Variants in ADGRD1 observed in about 807,000 individuals in gnomAD.
ADGRD1 encodes the protein G-protein coupled receptor 133.
In ADGRD1, 77 loss-of-function variants were observed where a neutral mutation model predicts 113.4. The observed-to-expected ratio is 0.68, with a 90% CI of 0.57 to 0.82. ADGRD1 has a LOEUF of 0.82. ADGRD1 is among the 40% of genes least tolerant of loss of function. The pLI, the probability that ADGRD1 is intolerant of heterozygous loss-of-function variation, is 0.00. For missense variants in ADGRD1, 1,036 were observed against 1,139.1 expected (o/e 0.91, Z 1.30); for synonymous variants, 474 against 475.0 (o/e 1.00, Z 0.03).
chr12:131,056,553 C>T (rs781364627), intron 13 of ADGRD1, among the ~76,000 whole-genome samples: 3 of 152,210 alleles, frequency 2.0e-5, no homozygotes, highest in Non-Finnish European at 2.9e-5. Context: ...TGCTATATCA[C>T]AGCACCGATA....
At chr12:131,051,333 G>T (rs1215071984) in intron 13 of ADGRD1, among the ~76,000 whole-genome samples, 1 of 152,168 alleles carries the variant, frequency 6.6e-6, no homozygotes, top group African/African-American at 2.4e-5. Context: ...TGTTTGATTT[G>T]AAACAGAACT....
chr12:131,109,140 C>A (rs1252108404), intron 18 of ADGRD1, among the ~76,000 whole-genome samples: 1 of 152,158 alleles, frequency 6.6e-6, no homozygotes, highest in Non-Finnish European at 1.5e-5. Context: ...AAAAAGTCCC[C>A]ATCACTTGGA....
intron 8 of ADGRD1, among the ~76,000 whole-genome samples, chr12:130,994,528 A>G (rs1874960233): frequency 6.6e-6 from 1 of 152,214 alleles, no homozygotes; most frequent in Non-Finnish European, 1.5e-5. Context: ...CTGACTAGCC[A>G]TGGGTACCCT....
At chr12:131,015,283 C>T (rs188098242) in intron 13 of ADGRD1, among the ~76,000 whole-genome samples, 36 of 152,190 alleles carry the variant, frequency 2.4e-4, no homozygotes, top group African/African-American at 6.7e-4. Context: ...GTACTGGAGA[C>T]GGAGATGGGA....
chr12:131,121,098 C>T (rs1333977034), intron 20 of ADGRD1, among the ~76,000 whole-genome samples, 185 bp downstream of exon 20: 1 of 152,220 alleles, frequency 6.6e-6, no homozygotes, highest in Admixed American at 6.5e-5. Context: ...CCGGAATGCT[C>T]AGGAAGGCGG....
intron 22 of ADGRD1, 117 bp from the exon 23 acceptor site, chr12:131,136,856 C>G (rs572532852): frequency 1.0e-4 from 88 of 846,208 alleles, no homozygotes; most frequent in Non-Finnish European, 1.0e-4. Flanking sequence ...GGTCATGGGA[C>G]CTGGTGTCAC....
chr12:131,064,346 T>C (rs530817805), intron 13 of ADGRD1, among the ~76,000 whole-genome samples: 1 of 152,224 alleles, frequency 6.6e-6, no homozygotes, highest in Non-Finnish European at 1.5e-5. Flanking sequence ...TCTTAGTTTT[T>C]TGAGAGTCCT....
chr12:131,123,047 T>TG (rs1950639100), intron 20 of ADGRD1, among the ~76,000 whole-genome samples: 15 of 120,982 alleles, frequency 1.2e-4, no homozygotes, highest in Middle Eastern at 3.9e-3. Context: ...GAGTTTTTTT[T>TG]TTTTTTTTTT....
chr12:131,003,846 G>T lies in ADGRD1; in HGVS notation c.1145-340G>T, dbSNP rs1464765536. Among the ~76,000 whole-genome samples the T allele has an allele frequency of 6.6e-6, 1 of 152,172 alleles. No individual in the cohort carries two copies. Among genetic ancestry groups the T allele is most frequent in the Admixed American group, 6.5e-5 (1 of 15,294 alleles). On this transcript the variant is annotated intron_variant, in intron 10 of 24. Transcript: ENST00000261654. This position sits in a 1 kb window ranked among gnomAD's most constrained non-coding sequence, Gnocchi z 4.8. The stretch of plus-strand genomic sequence containing the variant: ...TGGCCGTGTTGCCCTCGCCTGCTGC[G>T]CTTGGGGAGGAGCCGATGTCACCGC...
chr12:130,982,104 A>G, intron 5 of ADGRD1, 41 bp downstream of exon 5: 1 of 1,533,488 alleles, frequency 6.5e-7, no homozygotes, highest in Non-Finnish European at 8.9e-7. Flanking sequence ...TGCCTGGAGG[A>G]GTGGAGTCTT....
At chr12:130,997,041 G>A (rs1395471783) in intron 8 of ADGRD1, among the ~76,000 whole-genome samples, 19 of 132,030 alleles carry the variant, frequency 1.4e-4, no homozygotes, top group Non-Finnish European at 2.7e-4. Context: ...CGGACGGGGC[G>A]GCTGGCCAGG....
At chr12:131,065,290 A>T (rs1884633146) in intron 13 of ADGRD1, among the ~76,000 whole-genome samples, 1 of 152,220 alleles carries the variant, frequency 6.6e-6, no homozygotes, top group Non-Finnish European at 1.5e-5. Flanking sequence ...GAGTGAAAAC[A>T]CACCTGTTGG....
At chr12:131,117,971 C>T (rs1054252797) in intron 18 of ADGRD1, among the ~76,000 whole-genome samples, 1 of 152,204 alleles carries the variant, frequency 6.6e-6, no homozygotes, top group Non-Finnish European at 1.5e-5. Flanking sequence ...GATTCCATCC[C>T]GTTATGACAA....
At chr12:131,012,554 C>T (rs1264592221) in intron 12 of ADGRD1, among the ~76,000 whole-genome samples, 6 of 152,160 alleles carry the variant, frequency 3.9e-5, no homozygotes, top group African/African-American at 7.2e-5. Flanking sequence ...AATAATTCTG[C>T]GTGCTTCTTG....
intron 17 of ADGRD1, among the ~76,000 whole-genome samples, chr12:131,107,068 G>C (rs1206411029): frequency 6.6e-6 from 1 of 152,230 alleles, no homozygotes; most frequent in Non-Finnish European, 1.5e-5. Context: ...AGCAGCTCCA[G>C]GTGTCTATAA....
chr12:130,962,574 A>G (rs1198502848), intron 2 of ADGRD1: 2 of 152,236 alleles, frequency 1.3e-5, no homozygotes, highest in African/African-American at 4.8e-5. Context: ...GAAAAAAAGC[A>G]CAGTGGGAAT....
intron 11 of ADGRD1, among the ~76,000 whole-genome samples, chr12:131,005,542 G>A (rs566276206): frequency 4.6e-5 from 7 of 152,328 alleles, no homozygotes; most frequent in East Asian, 1.9e-4. Flanking sequence ...AATCCTCTGC[G>A]TGTGGAGGGC....
At chr12:130,995,511 G>A (rs1741459237) in intron 8 of ADGRD1, among the ~76,000 whole-genome samples, 1 of 152,218 alleles carries the variant, frequency 6.6e-6, no homozygotes, top group African/African-American at 2.4e-5. Context: ...AGGGGCCAAA[G>A]GAAATGGATG....
intron 15 of ADGRD1, among the ~76,000 whole-genome samples, chr12:131,093,981 C>CAGCCTCAGCACCT (rs1887094840): frequency 1.3e-5 from 2 of 150,804 alleles, no homozygotes; most frequent in African/African-American, 4.9e-5. Flanking sequence ...CCTGAGCACC[C>CAGCCTCAGCACCT]AGCCTCAGCA....
Sources: allele counts gnomAD v4.1 joint callset (sites outside exome capture counted in the v4.1 genomes callset), GRCh38; gene constraint gnomAD v4.1.1; non-coding constraint Gnocchi (gnomAD v3.1); transcripts MANE v1.5; gene names NCBI Gene and HGNC (gene_info 2026-07-23, HGNC 2026-07-21).